Variants in DPYD observed in about 807,000 individuals in gnomAD.
DPYD encodes the protein dihydropyrimidine dehydrogenase [NADP(+)].
DPYD carries 109 observed loss-of-function variants against 116.2 expected under a neutral mutation model. The observed-to-expected ratio is 0.94, with a 90% CI of 0.80 to 1.10. DPYD has a LOEUF of 1.10. DPYD is among the 50% of genes least tolerant of loss of function. The probability of loss-of-function intolerance (pLI) is 0.00; values close to 1 mark genes in which losing one functional copy is unlikely to be tolerated. For missense variants in DPYD, 1,302 were observed against 1,254.5 expected (o/e 1.04, Z -0.57); for synonymous variants, 440 against 432.0 (o/e 1.02, Z -0.23).
intron 16 of DPYD, among the ~76,000 whole-genome samples, chr1:97,359,265 A>C (rs1397303894): frequency 6.6e-6 from 1 of 152,206 alleles, no homozygotes; most frequent in Non-Finnish European, 1.5e-5. Flanking sequence ...AGGAAAAAAA[A>C]GTGAAAATAA....
At chr1:97,115,415 C>T (rs1328258955) in intron 20 of DPYD, among the ~76,000 whole-genome samples, 1 of 152,124 alleles carries the variant, frequency 6.6e-6, no homozygotes, top group Non-Finnish European at 1.5e-5. Context: ...GTATTTACTC[C>T]TGAAAATCCT....
intron 4 of DPYD, among the ~76,000 whole-genome samples, chr1:97,734,884 T>C (rs546291933): frequency 2.0e-5 from 3 of 152,124 alleles, no homozygotes; most frequent in East Asian, 3.9e-4. Context: ...AAAACTAGGA[T>C]TGTGTAAGTC....
At chr1:97,350,402 A>G (rs1670080433) in intron 16 of DPYD, among the ~76,000 whole-genome samples, 1 of 152,126 alleles carries the variant, frequency 6.6e-6, no homozygotes, top group Non-Finnish European at 1.5e-5. Flanking sequence ...CATTCTTTCT[A>G]TGCTTACAAT....
rs202085121 is a variant in DPYD, at chr1:97,867,399, C to T, written c.150+15865G>A. ...TGCCACTGTTGATACGAGAAGAAAA[C>T]TGCTTTGAAATGAAGGAAAGATTTG... On this transcript the variant is annotated intron_variant, in intron 2 of 22. Coordinates refer to ENST00000370192, the MANE Select transcript of DPYD (RefSeq NM_000110.4). Among the ~76,000 whole-genome samples, 9 of 151,928 alleles carry T rather than the reference C, an allele frequency of 5.9e-5. No individual in the cohort carries two copies. In the East Asian group the frequency reaches 1.6e-3, roughly 26 times the overall value.
At chr1:97,820,624 C>A (rs1010158306) in intron 3 of DPYD, among the ~76,000 whole-genome samples, 1 of 152,178 alleles carries the variant, frequency 6.6e-6, no homozygotes, top group Non-Finnish European at 1.5e-5. Flanking sequence ...CACAGATAAA[C>A]TGTGCAACTC....
chr1:97,395,843 G>T (rs1384564557), intron 14 of DPYD, among the ~76,000 whole-genome samples: 2 of 151,954 alleles, frequency 1.3e-5, no homozygotes, highest in Non-Finnish European at 2.9e-5. Flanking sequence ...AGCCAGCATA[G>T]GTTCCTGAAG....
In DPYD at chr1:97,234,986, T is replaced by A; in HGVS notation, c.2308A>T (p.Ile770Phe). Residue 770 changes from isoleucine (I) to phenylalanine (F), a missense_variant, in exon 19 of 23, where the codon ATC becomes TTC. Physicochemically the swap from Ile to Phe is conservative, Grantham distance 21. Transcript: ENST00000370192. ...TTYGGVSGTA[I>F]RPIALRAVTS... Reference sequence around the variant, plus strand: ...ACAGCTCTCAAAGCAATAGGTCTGATTGCTGTCCCTACACAAAATCAGAAT... The same window carrying A: ...ACAGCTCTCAAAGCAATAGGTCTGAATGCTGTCCCTACACAAAATCAGAAT... The A allele has an allele frequency of 1.2e-6, 2 of 1,614,114 alleles. No homozygotes were observed. Among genetic ancestry groups the A allele is most frequent in the Non-Finnish European group, 1.7e-6 (2 of 1,179,990 alleles).
intron 16 of DPYD, among the ~76,000 whole-genome samples, chr1:97,325,681 T>C (rs1195553550): frequency 6.6e-6 from 1 of 151,900 alleles, no homozygotes; most frequent in East Asian, 1.9e-4. Flanking sequence ...TGTGTGTGTA[T>C]GAGAGAGATG....
chr1:97,539,437 C>T (rs774413195), intron 12 of DPYD, among the ~76,000 whole-genome samples: 1 of 151,988 alleles, frequency 6.6e-6, no homozygotes, highest in Non-Finnish European at 1.5e-5. Context: ...CTACCTCTAC[C>T]TGTTGATTCC....
chr1:97,254,688 C>T (rs1663335012), intron 18 of DPYD, among the ~76,000 whole-genome samples: 1 of 152,040 alleles, frequency 6.6e-6, no homozygotes. Flanking sequence ...CTGTATAAAA[C>T]CTATTATTTA....
intron 8 of DPYD, among the ~76,000 whole-genome samples, chr1:97,608,510 C>T (rs114904431): frequency 0.021 from 3,198 of 151,750 alleles, 52 homozygotes; most frequent in Non-Finnish European, 0.031. Flanking sequence ...ATATGGGTAA[C>T]GTAGCGACAC....
chr1:97,555,613 CAGG>C (rs906549301), intron 11 of DPYD, among the ~76,000 whole-genome samples: 1 of 152,152 alleles, frequency 6.6e-6, no homozygotes, highest in African/African-American at 2.4e-5. Context: ...CCCCCACTGT[CAGG>C]AGAAGGCCTT....
At chr1:97,097,027 A>G (rs1307988122) in intron 21 of DPYD, among the ~76,000 whole-genome samples, 1 of 152,118 alleles carries the variant, frequency 6.6e-6, no homozygotes, top group Non-Finnish European at 1.5e-5. Flanking sequence ...ATAGCCACAC[A>G]TTGGCAAAAA....
intron 20 of DPYD, among the ~76,000 whole-genome samples, chr1:97,146,861 T>C (rs1267614902): frequency 2.6e-5 from 4 of 152,136 alleles, no homozygotes; most frequent in Non-Finnish European, 4.4e-5. Context: ...GATAAATATA[T>C]CCAGTGGGAA....
rs116473091 is a variant in DPYD, at chr1:97,378,620, A to T, written c.1974+3773T>A. ...TTCAAGTTCATGGGTGCCAAATAAA[A>T]TACCATTCTTCCCATTTATTCTGTA... On this transcript the variant is annotated intron_variant, in intron 15 of 22. Transcript: ENST00000370192. Among the ~76,000 whole-genome samples the T allele has an allele frequency of 3.5e-3, 532 of 152,310 alleles. 2 individuals are homozygous for T. Among genetic ancestry groups the T allele is most frequent in the African/African-American group, 0.012 (513 of 41,566 alleles).
At chr1:97,291,226 T>C (rs906181965) in intron 18 of DPYD, among the ~76,000 whole-genome samples, 2 of 152,146 alleles carry the variant, frequency 1.3e-5, no homozygotes, top group Non-Finnish European at 2.9e-5. Context: ...AGAACACTTT[T>C]ACACTGTTGG....
At chr1:97,509,105 A>G (rs1008987214) in intron 13 of DPYD, among the ~76,000 whole-genome samples, 4 of 151,994 alleles carry the variant, frequency 2.6e-5, no homozygotes, top group African/African-American at 9.7e-5. Context: ...AGTGAGAAGA[A>G]CTAATATCAT....
chr1:97,381,177 C>CAT (rs996424648), intron 15 of DPYD, among the ~76,000 whole-genome samples: 6 of 150,744 alleles, frequency 4.0e-5, no homozygotes, highest in African/African-American at 1.5e-4. Flanking sequence ...GTTTTTGCTA[C>CAT]AGAGTAATTA....
At chr1:97,727,289 A>C (rs1025688887) in intron 4 of DPYD, among the ~76,000 whole-genome samples, 1 of 151,712 alleles carries the variant, frequency 6.6e-6, no homozygotes, top group Non-Finnish European at 1.5e-5. Context: ...AATATTCAAG[A>C]AAGTTCACAA....
Sources: gnomAD v4.1 joint callset for allele counts (sites outside exome capture counted in the v4.1 genomes callset) on GRCh38, gnomAD v4.1.1 for gene constraint, MANE v1.5 for transcripts, NCBI Gene and HGNC (gene_info 2026-07-23, HGNC 2026-07-21) for gene names.